Variants in SGCD observed in about 807,000 individuals in gnomAD.
SGCD encodes the protein delta-sarcoglycan.
In SGCD, 18 loss-of-function variants were observed where a neutral mutation model predicts 36.6. That is an observed-to-expected ratio of 0.49 (90% CI 0.34 to 0.73). The LOEUF (loss-of-function observed/expected upper bound fraction) is 0.73, where lower values mean the gene tolerates loss of function less well. Ranked by LOEUF, SGCD falls within the 30% of genes least tolerant of loss-of-function variation. The pLI is 0.01. For synonymous variants in SGCD, 133 were observed against 130.6 expected, an observed-to-expected ratio of 1.02 and a Z score of -0.12; for missense variants, 387 against 346.7, an observed-to-expected ratio of 1.12 and a Z score of -0.92.
At chr5:156,375,580 C>T (rs562374190) in intron 3 of SGCD, among the ~76,000 whole-genome samples, 1 of 152,118 alleles carries the variant, frequency 6.6e-6, no homozygotes, top group East Asian at 1.9e-4. Flanking sequence ...AAGTGTGCCC[C>T]ATTAAATGAT....
intron 6 of SGCD, among the ~76,000 whole-genome samples, chr5:156,597,693 C>A (rs1188363734): frequency 1.3e-5 from 2 of 152,162 alleles, no homozygotes; most frequent in African/African-American, 4.8e-5. Flanking sequence ...TTCTTTTCCC[C>A]CTCTGTGTCC....
chr5:156,747,670 G>GTCTT (rs1310701842), intron 7 of SGCD, among the ~76,000 whole-genome samples: 6 of 152,056 alleles, frequency 3.9e-5, no homozygotes, highest in African/African-American at 1.5e-4. Context: ...GGAAGCCACG[G>GTCTT]TCTTTTTACA....
intron 3 of SGCD, among the ~76,000 whole-genome samples, chr5:156,316,754 T>A (rs1476672331): frequency 6.6e-6 from 1 of 151,966 alleles, no homozygotes; most frequent in Non-Finnish European, 1.5e-5. Context: ...TCAGACTTTA[T>A]CCTGTGAGAG....
intron 1 of SGCD, among the ~76,000 whole-genome samples, chr5:155,905,374 A>G (rs1756482928): frequency 6.6e-6 from 1 of 152,006 alleles, no homozygotes; most frequent in Non-Finnish European, 1.5e-5. Context: ...GGAGATGTAT[A>G]TTGAGTGAAG....
chr5:156,192,124 C>T (rs1040324444), intron 3 of SGCD, among the ~76,000 whole-genome samples: 19 of 152,190 alleles, frequency 1.2e-4, no homozygotes, highest in East Asian at 7.7e-4. Flanking sequence ...TAGGAGACAT[C>T]GTGACGGTCT....
At chr5:155,954,020 T>C (rs138530437) in intron 1 of SGCD, among the ~76,000 whole-genome samples, 227 of 152,304 alleles carry the variant, frequency 1.5e-3, no homozygotes, top group African/African-American at 5.1e-3. Flanking sequence ...TATTATTTCG[T>C]AGCAGAAATG....
At chr5:155,787,282 A>G in the SGCD span, among the ~76,000 whole-genome samples, 1 of 152,168 alleles carries the variant, frequency 6.6e-6, no homozygotes, top group Non-Finnish European at 1.5e-5. Flanking sequence ...AAGGGACTAT[A>G]CAATTTTATA....
intron 1 of SGCD, among the ~76,000 whole-genome samples, chr5:155,974,620 G>A (rs1466124535): frequency 6.6e-6 from 1 of 151,718 alleles, no homozygotes; most frequent in Admixed American, 6.6e-5. Flanking sequence ...AGTGAGAGTT[G>A]GACCTGTCTG....
At chr5:156,437,429 GA>G (rs1753289975) in intron 3 of SGCD, among the ~76,000 whole-genome samples, 1 of 152,108 alleles carries the variant, frequency 6.6e-6, no homozygotes, top group Non-Finnish European at 1.5e-5. Flanking sequence ...TATGGCAAAG[GA>G]GAGCTGACAG....
chr5:156,476,145 C>T (rs1353436462), intron 3 of SGCD, among the ~76,000 whole-genome samples: 2 of 152,164 alleles, frequency 1.3e-5, no homozygotes, highest in African/African-American at 2.4e-5. Flanking sequence ...TCTAAGTAGT[C>T]CCCTACATGG....
At chr5:156,084,999 T>C (rs907583688) in intron 1 of SGCD, among the ~76,000 whole-genome samples, 8 of 152,232 alleles carry the variant, frequency 5.3e-5, no homozygotes, top group Non-Finnish European at 1.2e-4. Context: ...CAGATTAATT[T>C]TTGAATGTTG....
chr5:156,089,234 A>G (rs1761177770), intron 1 of SGCD, among the ~76,000 whole-genome samples: 1 of 152,226 alleles, frequency 6.6e-6, no homozygotes, highest in South Asian at 2.1e-4. Flanking sequence ...ATACAAGCCC[A>G]CTTCATGGTT....
At chr5:156,633,915 C>T (rs1181166395) in intron 6 of SGCD, among the ~76,000 whole-genome samples, 3 of 152,170 alleles carry the variant, frequency 2.0e-5, no homozygotes, top group Non-Finnish European at 4.4e-5. Flanking sequence ...ACAGAGAGGG[C>T]ACAGAAATCT....
At chr5:156,386,582 G>T (rs146017407) in intron 3 of SGCD, among the ~76,000 whole-genome samples, 54 of 152,358 alleles carry the variant, frequency 3.5e-4, no homozygotes, top group African/African-American at 1.2e-3. Context: ...TAAAGTAAGG[G>T]TGCTAATAGT....
chr5:156,701,116 TCTC>T (rs986438586), intron 7 of SGCD, among the ~76,000 whole-genome samples: 8 of 152,226 alleles, frequency 5.3e-5, no homozygotes, highest in Non-Finnish European at 7.4e-5. Context: ...GCCCAGGACT[TCTC>T]CTGTGGACTG....
At chr5:155,914,759 C>A (rs1048475125) in intron 1 of SGCD, among the ~76,000 whole-genome samples, 3 of 152,170 alleles carry the variant, frequency 2.0e-5, no homozygotes, top group Non-Finnish European at 4.4e-5. Context: ...AGAGACTTCA[C>A]ATAATTTGTT....
At chr5:156,573,714 T>C (rs147739594) in intron 4 of SGCD, among the ~76,000 whole-genome samples, 1 of 152,058 alleles carries the variant, frequency 6.6e-6, no homozygotes, top group Non-Finnish European at 1.5e-5. Context: ...TTTTTAGAGA[T>C]GGGGGGTCTC....
chr5:156,384,971 G>A (rs889603987), intron 3 of SGCD, among the ~76,000 whole-genome samples: 6 of 152,180 alleles, frequency 3.9e-5, no homozygotes, highest in Admixed American at 1.3e-4. Flanking sequence ...GGCAGGTTGC[G>A]AAAGCACACC....
intron 1 of SGCD, among the ~76,000 whole-genome samples, chr5:155,991,389 C>G (rs1758429514): frequency 6.6e-6 from 1 of 152,102 alleles, no homozygotes; most frequent in Admixed American, 6.6e-5. Flanking sequence ...CGAGCTGTTT[C>G]TCCTAAATAT....
Sources: gnomAD v4.1 joint callset for allele counts (sites outside exome capture counted in the v4.1 genomes callset) on GRCh38, gnomAD v4.1.1 for gene constraint, MANE v1.5 for transcripts, NCBI Gene and HGNC (gene_info 2026-07-23, HGNC 2026-07-21) for gene names.